BRCA1: variants seen among roughly 807,000 people sequenced by gnomAD.
The protein encoded by BRCA1 is BRCA1 DNA repair associated.
A neutral mutation model predicts 173.7 loss-of-function variants in BRCA1; 140 were observed. The observed-to-expected ratio is 0.81, with a 90% confidence interval of 0.70 to 0.93. The LOEUF (loss-of-function observed/expected upper bound fraction) is 0.93, where lower values mean the gene tolerates loss of function less well. Ranked by LOEUF, BRCA1 falls within the 40% of genes least tolerant of loss-of-function variation. BRCA1 has a pLI of 0.00. For synonymous variants in BRCA1, 662 were observed against 756.0 expected (o/e 0.88, Z 2.04); for missense variants, 1,983 against 2,172.5 (o/e 0.91, Z 1.73).
At position 43,095,996 on chromosome 17, in the gene BRCA1, A is replaced by G. The variant is rs2054121595; in HGVS notation, c.594-74T>C. ...GCAGAACTGTCAAATGACCAAGATC[A>G]AACATTTTAGCTCTTTCGATTACAG... On this transcript the variant is annotated intron_variant, in intron 8 of 22. Coordinates refer to ENST00000357654, the MANE Select transcript of BRCA1 (RefSeq NM_007294.4). 3 of 1,254,036 alleles carry G rather than the reference A, an allele frequency of 2.4e-6. No individual in the cohort carries two copies. The South Asian group carries it at 3.7e-5, about 16-fold the overall frequency. 77.7% of individuals were successfully genotyped at this position (1,254,036 alleles called of 1,614,324 possible). A position where few individuals can be genotyped will look rare whatever the true frequency, so the allele number is the denominator to read the frequency against.
intron 1 of BRCA1, chr17:43,160,216 G>A (rs760924417): frequency 1.3e-5 from 2 of 151,842 alleles, no homozygotes; most frequent in East Asian, 3.9e-4. Flanking sequence ...TAATTTTTTT[G>A]TATTTTTTTA....
At chr17:43,082,630 T>A (rs2053075361) in intron 11 of BRCA1, 55 bp from the exon 12 acceptor site, 1 of 1,576,922 alleles carries the variant, frequency 6.3e-7, no homozygotes, top group African/African-American at 1.4e-5. Flanking sequence ...AAGCTTTCCA[T>A]TAAATGAAAA....
chr17:43,047,234 C>T (rs377703638), intron 22 of BRCA1, among the ~76,000 whole-genome samples: 13 of 151,918 alleles, frequency 8.6e-5, no homozygotes, highest in African/African-American at 2.4e-4. Context: ...CAAGTAGCTG[C>T]GACTACAGGC....
rs186513817 is a variant in BRCA1 at position 43,169,105 on chromosome 17, C to T, written c.-20+1021G>A. On this transcript the variant is annotated intron_variant, in intron 1 of 7. Coordinates refer to the BRCA1 transcript ENST00000634433. ...TCCCTCCCACAAAATCCTGTCTCCTCCCCTTCCCAGACATATTCCTGGCAC... is the reference window on the plus strand; with the variant it reads ...TCCCTCCCACAAAATCCTGTCTCCTTCCCTTCCCAGACATATTCCTGGCAC... Among the ~76,000 whole-genome samples the T allele has an allele frequency of 1.5e-4, 23 of 152,312 alleles. No homozygotes were observed. In the East Asian group the frequency reaches 4.1e-3, roughly 27 times the overall value.
At chr17:43,155,782 G>C (rs557357459) in intron 1 of BRCA1, among the ~76,000 whole-genome samples, 1 of 152,166 alleles carries the variant, frequency 6.6e-6, no homozygotes, top group Admixed American at 6.5e-5. Context: ...TGATCCACCT[G>C]CCTCAGCTGG....
intron 1 of BRCA1, among the ~76,000 whole-genome samples, chr17:43,168,871 T>C (rs1477241093): frequency 2.0e-5 from 3 of 152,106 alleles, no homozygotes; most frequent in Non-Finnish European, 4.4e-5. Context: ...CTTCTGGCTG[T>C]TTTCTTTTTC....
intron 4 of BRCA1, among the ~76,000 whole-genome samples, chr17:43,105,454 T>A (rs2054720969): frequency 6.6e-6 from 1 of 152,126 alleles, no homozygotes; most frequent in African/African-American, 2.4e-5. Context: ...TTGCCCAGGC[T>A]GATTTCAAAC....
upstream of BRCA1, among the ~76,000 whole-genome samples, chr17:43,130,301 A>C (rs2055954916): frequency 6.6e-6 from 1 of 152,126 alleles, no homozygotes; most frequent in Admixed American, 6.6e-5. Context: ...GGCATGAGCC[A>C]CCACACCGGG....
In BRCA1 at chr17:43,091,430, A is replaced by G. The variant is rs1555586462; in HGVS notation, c.4096+5T>C. 2 of 1,614,032 alleles carry G rather than the reference A, an allele frequency of 1.2e-6. No homozygotes were observed. The highest frequency in any genetic ancestry group is 1.7e-6 in the Non-Finnish European group (2 of 1,179,988). On this transcript the variant is annotated splice_donor_5th_base_variant and intron_variant, in intron 10 of 22. Transcript: ENST00000357654. The stretch of plus-strand genomic sequence containing the variant: ...GGGGCAAACACAAAAACCTGGTTCC[A>G]ATACCTAAGTTTGAATCCATGCTTT...
chr17:43,135,833 C>T (rs1168820383), intron 1 of BRCA1, among the ~76,000 whole-genome samples: 2 of 152,232 alleles, frequency 1.3e-5, no homozygotes, highest in African/African-American at 4.8e-5. Flanking sequence ...GCCCTGACCT[C>T]TGGGGTAGGG....
In BRCA1 at chr17:43,094,411, T is replaced by C. The variant is rs2154475036; in HGVS notation, c.1120A>G (p.Thr374Ala). 1 of 1,614,234 alleles carries C rather than the reference T, an allele frequency of 6.2e-7. No homozygotes were observed. Among genetic ancestry groups the C allele is most frequent in the Non-Finnish European group, 8.5e-7 (1 of 1,180,046 alleles). ...ACTTTCTGAATGCTGCTATTTAGTG[T>C]TATCCAAGGAACATCTTCAGTATCT... Reference protein sequence around the residue: ...PRDTEDVPWITLNSSIQKVNE... With the variant: ...PRDTEDVPWIALNSSIQKVNE... Residue 374 changes from threonine (T) to alanine (A), a missense_variant, in exon 10 of 23, where the codon ACA (threonine) becomes GCA (alanine). By Grantham distance (58) the Thr-to-Ala change is moderately conservative (BLOSUM62 0). Coordinates refer to ENST00000357654, the MANE Select transcript of BRCA1 (RefSeq NM_007294.4).
chr17:43,093,694 T>C lies in BRCA1; in HGVS notation c.1837A>G (p.Arg613Gly), dbSNP rs863224753. The C allele has an allele frequency of 1.9e-6, 3 of 1,614,122 alleles. No homozygotes were observed. Among genetic ancestry groups the C allele is most frequent in the Non-Finnish European group, 1.7e-6 (2 of 1,180,018 alleles). The change falls in exon 10 of 23, where the codon AGG becomes GGG. Residue 613 changes from arginine to glycine, a missense_variant. Transcript: ENST00000357654. ...TGAATATGCCTGGTAGAAGACTTCC[T>C]CCTCAGCCTATTCTTTTTAGGTGCT... Reference protein sequence around the residue: ...SKAPKKNRLRRKSSTRHIHAL... With the variant: ...SKAPKKNRLRGKSSTRHIHAL...
intron 1 of BRCA1, chr17:43,140,461 G>C (rs1170230221): frequency 6.7e-6 from 2 of 300,032 alleles, no homozygotes; most frequent in Non-Finnish European, 4.9e-6. Context: ...GGGGTCTGAC[G>C]TGAGGGCGGT....
intron 1 of BRCA1, chr17:43,145,011 G>A: frequency 2.9e-6 from 2 of 688,418 alleles, no homozygotes; most frequent in South Asian, 1.4e-5. Flanking sequence ...GAGCCCAAGA[G>A]GAGATCAGCG....
At chr17:43,146,024 C>T (rs1296716831) in intron 1 of BRCA1, among the ~76,000 whole-genome samples, 1 of 152,130 alleles carries the variant, frequency 6.6e-6, no homozygotes, top group East Asian at 1.9e-4. Flanking sequence ...ATGGCTCACC[C>T]TGTTGGAGTT....
At chr17:43,048,700 T>A (rs1054201711) in intron 21 of BRCA1, among the ~76,000 whole-genome samples, 1 of 145,562 alleles carries the variant, frequency 6.9e-6, no homozygotes, top group Non-Finnish European at 1.5e-5. Flanking sequence ...TTTTTTTTTT[T>A]AGTACAGATG....
intron 2 of BRCA1, among the ~76,000 whole-genome samples, chr17:43,121,558 C>T (rs552129370): frequency 2.7e-4 from 41 of 151,708 alleles, no homozygotes; most frequent in African/African-American, 9.7e-4. Flanking sequence ...TGGCACATGC[C>T]TGCAATCCCA....
At chr17:43,068,209 A>C (rs569208003) in intron 15 of BRCA1, among the ~76,000 whole-genome samples, 2 of 151,724 alleles carry the variant, frequency 1.3e-5, no homozygotes, top group Non-Finnish European at 2.9e-5. Flanking sequence ...CCCAGGAAGC[A>C]GAGCTTGCAG....
chr17:43,060,412 T>A (rs974458022), intron 18 of BRCA1, among the ~76,000 whole-genome samples: 4 of 151,962 alleles, frequency 2.6e-5, no homozygotes, highest in Non-Finnish European at 4.4e-5. Context: ...GGTCTCAAAC[T>A]CCTGACCTCA....
Sources: allele counts gnomAD v4.1 joint callset (sites outside exome capture counted in the v4.1 genomes callset), GRCh38; gene constraint gnomAD v4.1.1; transcripts MANE v1.5; gene names NCBI Gene and HGNC (gene_info 2026-07-23, HGNC 2026-07-21).